UBXN2A: variants seen among roughly 807,000 people sequenced by gnomAD.
UBXN2A encodes UBX domain protein 2A.
UBXN2A carries 28 observed loss-of-function variants against 28.4 expected under a neutral mutation model. The ratio of observed to expected loss-of-function variants is 0.99; its 90% CI spans 0.73 to 1.35. UBXN2A has a LOEUF of 1.35. UBXN2A is among the 40% of genes most tolerant of loss of function. The probability of loss-of-function intolerance (pLI) is 0.00; values close to 1 mark genes in which losing one functional copy is unlikely to be tolerated. For missense variants in UBXN2A, 253 were observed against 297.9 expected (o/e 0.85, Z 1.11); for synonymous variants, 97 against 103.6 (o/e 0.94, Z 0.39).
chr2:23,934,567 CCTT>C (rs1203185072), intron 1 of UBXN2A, among the ~76,000 whole-genome samples: 1 of 152,148 alleles, frequency 6.6e-6, no homozygotes, highest in Admixed American at 6.5e-5. Context: ...CACCCATCGT[CCTT>C]CTATGTGAAT....
chr2:23,960,989 G>A (rs1455108639), intron 2 of UBXN2A, among the ~76,000 whole-genome samples: 1 of 151,990 alleles, frequency 6.6e-6, no homozygotes, highest in African/African-American at 2.4e-5. Context: ...TATAAATGCA[G>A]TTATACAATA....
upstream of UBXN2A, among the ~76,000 whole-genome samples, chr2:23,937,406 C>T (rs1461347238): frequency 1.3e-5 from 2 of 151,962 alleles, no homozygotes; most frequent in Non-Finnish European, 2.9e-5. Context: ...TTTAATTGGT[C>T]GGGCATGGTG....
chr2:23,930,059 T>A (rs926361946), intron 1 of UBXN2A, among the ~76,000 whole-genome samples: 1 of 152,054 alleles, frequency 6.6e-6, no homozygotes, highest in Non-Finnish European at 1.5e-5. Context: ...CGGCTAATTT[T>A]TTGTAGTTTT....
Position 23,999,797 on chromosome 2 carries a change from A to G in UBXN2A, c.710A>G (p.Asp237Gly). ...LDETLTLEEA[D>G]LQNAVIIQRL... ...GAGACACTCACACTGGAAGAAGCAG[A>G]TTTACAGAATGCTGTCATCATTCAG... is the stretch of plus-strand genomic sequence containing the variant. Residue 237 changes from aspartate to glycine, a missense_variant, in exon 7 of 7, where the codon GAT (aspartate) becomes GGT (glycine). Transcript: ENST00000309033. 1 of 1,614,192 alleles carries G rather than the reference A, an allele frequency of 6.2e-7. No homozygotes were observed. Among genetic ancestry groups the G allele is most frequent in the Non-Finnish European group, 8.5e-7 (1 of 1,180,018 alleles).
At chr2:23,984,948 C>T in intron 6 of UBXN2A, 117 bp downstream of exon 6, 1 of 1,150,518 alleles carries the variant, frequency 8.7e-7, no homozygotes, top group Non-Finnish European at 1.2e-6. Flanking sequence ...GTTGCCCAGG[C>T]CAGAGTGCAG....
At chr2:23,957,510 A>G (rs1245272236) in intron 1 of UBXN2A, among the ~76,000 whole-genome samples, 2 of 151,824 alleles carry the variant, frequency 1.3e-5, no homozygotes, top group Admixed American at 6.6e-5. Flanking sequence ...CACCATGTTG[A>G]CCAGGCTGGT....
In UBXN2A at chr2:23,971,402, A is replaced by C. The variant is rs762340914; in HGVS notation, c.168A>C (p.Glu56Asp). 1.0e-5 allele frequency: 16 copies of C among 1,540,368 alleles called. No individual in the cohort carries two copies. The highest frequency in any genetic ancestry group is 1.4e-5 in the African/African-American group (1 of 73,628). The stretch of plus-strand genomic sequence containing the variant: ...GTTCCAAATGTGTGTCTCCCGCTGA[A>C]CAGAAGAAACAGGTAAATAAATGTC... ...KVSSKCVSPA[E>D]QKKQVDVNIK... Residue 56 changes from glutamate (E) to aspartate (D), a missense_variant, in exon 3 of 7, where the codon GAA becomes GAC. By Grantham distance (45) the Glu-to-Asp change is conservative. Coordinates refer to ENST00000309033, the MANE Select transcript of UBXN2A (RefSeq NM_181713.4).
In UBXN2A at chr2:24,003,476, C is replaced by G. The variant is rs1455051247; in HGVS notation, c.*3609C>G. ...GGGAAATATCTATGTAACTAGATGA[C>G]CTGACATAAAATCTATCTTCTGATT... On this transcript the variant is annotated 3_prime_UTR_variant, in exon 7 of 7. Transcript: ENST00000309033. 1 of 152,020 alleles carries G rather than the reference C, an allele frequency of 6.6e-6. No homozygotes were observed. Among genetic ancestry groups the G allele is most frequent in the Non-Finnish European group, 1.5e-5 (1 of 68,010 alleles). 9.4% of individuals were successfully genotyped at this position (152,020 alleles called of 1,614,324 possible).
chr2:23,946,339 T>G (rs1706077141), intron 1 of UBXN2A, among the ~76,000 whole-genome samples: 1 of 150,816 alleles, frequency 6.6e-6, no homozygotes, highest in Non-Finnish European at 1.5e-5. Flanking sequence ...TTTTGTTGTT[T>G]TTTTTTTTTA....
chr2:23,953,552 A>C (rs915399101), intron 1 of UBXN2A, among the ~76,000 whole-genome samples: 4 of 152,206 alleles, frequency 2.6e-5, no homozygotes, highest in South Asian at 4.1e-4. Context: ...TCCCGTCACT[A>C]TTCAGATGTT....
intron 1 of UBXN2A, among the ~76,000 whole-genome samples, 192 bp downstream of exon 1, chr2:23,940,840 G>A (rs1426689372): frequency 6.6e-6 from 1 of 151,050 alleles, no homozygotes; most frequent in East Asian, 2.0e-4. Context: ...CCCGAGCCAG[G>A]GTCCCGCCCA....
At chr2:23,992,164 G>A (rs1408213538) in intron 6 of UBXN2A, among the ~76,000 whole-genome samples, 1 of 152,042 alleles carries the variant, frequency 6.6e-6, no homozygotes. Context: ...TAGAGATGGG[G>A]TTTCACCATG....
At chr2:23,969,931 A>G (rs6730855) in intron 2 of UBXN2A, among the ~76,000 whole-genome samples, 111,286 of 152,076 alleles carry the variant, frequency 0.73, 41,171 homozygotes, top group East Asian at 0.85. Context: ...TTTAGTTCAA[A>G]AGTGTTTTCT....
At position 23,983,020 on chromosome 2, in the gene UBXN2A, C is replaced by T; in HGVS notation, c.412C>T (p.His138Tyr). The T allele has an allele frequency of 6.2e-7, 1 of 1,601,900 alleles. No homozygotes were observed. Among genetic ancestry groups the T allele is most frequent in the Non-Finnish European group, 8.5e-7 (1 of 1,174,552 alleles). ...PVFQPFSGQG[H>Y]RLGSATPKIV... ...GTTCCAGCCCTTTTCAGGACAGGGTCACAGACTAGGAAGGTAAATATGCCT... is the reference window on the plus strand; with the variant it reads ...GTTCCAGCCCTTTTCAGGACAGGGTTACAGACTAGGAAGGTAAATATGCCT... Residue 138 changes from histidine to tyrosine, a missense_variant, in exon 5 of 7, where the codon CAC becomes TAC. Physicochemically the swap from His to Tyr is moderately conservative, Grantham distance 83. Coordinates refer to ENST00000309033, the MANE Select transcript of UBXN2A (RefSeq NM_181713.4).
intron 1 of UBXN2A, among the ~76,000 whole-genome samples, chr2:23,945,184 ACTCAATAAGTAACCTTGCCAGT>A (rs1470149147): frequency 3.9e-5 from 6 of 152,008 alleles, no homozygotes; most frequent in Non-Finnish European, 7.4e-5. Flanking sequence ...CCCTGGAATG[ACTCAATAAGTAACCTTGCCAGT>A]CTCTGCCTAA....
intron 6 of UBXN2A, among the ~76,000 whole-genome samples, chr2:23,993,543 C>CT (rs1191049118): frequency 6.6e-6 from 1 of 152,088 alleles, no homozygotes; most frequent in Non-Finnish European, 1.5e-5. Context: ...TATGTTACTT[C>CT]TACGAACATT....
intron 3 of UBXN2A, among the ~76,000 whole-genome samples, chr2:23,973,980 A>G (rs1707536222): frequency 6.6e-6 from 1 of 151,366 alleles, no homozygotes; most frequent in African/African-American, 2.4e-5. Flanking sequence ...TGGCACTTCA[A>G]GGAAAACAAC....
chr2:23,949,979 CTG>C (rs1206247765), intron 1 of UBXN2A, among the ~76,000 whole-genome samples: 2 of 151,764 alleles, frequency 1.3e-5, no homozygotes, highest in African/African-American at 2.4e-5. Flanking sequence ...GTATCCATCA[CTG>C]GAATAATTTC....
intron 6 of UBXN2A, among the ~76,000 whole-genome samples, chr2:23,991,646 T>C (rs1708357877): frequency 1.3e-5 from 2 of 151,966 alleles, no homozygotes; most frequent in Admixed American, 6.6e-5. Context: ...ATTTTTTTTG[T>C]ATTTTTAGTA....
Sources: gnomAD v4.1 joint callset for allele counts (sites outside exome capture counted in the v4.1 genomes callset) on GRCh38, gnomAD v4.1.1 for gene constraint, MANE v1.5 for transcripts, NCBI Gene and HGNC (gene_info 2026-07-23, HGNC 2026-07-21) for gene names.